The following HECTD3 variants were observed in gnomAD, a reference collection of about 807,000 sequenced individuals.
HECTD3 encodes the protein E3 ubiquitin-protein ligase HECTD3.
In HECTD3, 72 loss-of-function variants were observed where a neutral mutation model predicts 109.3. That is an observed-to-expected ratio of 0.66 (90% CI 0.54 to 0.80). The LOEUF (loss-of-function observed/expected upper bound fraction) is 0.80. HECTD3 is among the 30% of genes least tolerant of loss of function. HECTD3 has a pLI of 0.00. For missense variants in HECTD3, 1,041 were observed against 1,165.2 expected, an observed-to-expected ratio of 0.89 and a Z score of 1.55; for synonymous variants, 481 against 471.8, an observed-to-expected ratio of 1.02 and a Z score of -0.25.
Position 45,009,318 on chromosome 1 carries a change from G to T in HECTD3, c.989+51C>A, listed in dbSNP as rs752114647. Reference sequence around the variant, plus strand: ...TCACTCAAACTTAGGCTTTCAAGCTGGGCTAGGCTTGGAACATGCCCTACT... The same window carrying T: ...TCACTCAAACTTAGGCTTTCAAGCTTGGCTAGGCTTGGAACATGCCCTACT... On this transcript the variant is annotated intron_variant, in intron 6 of 20. Coordinates refer to ENST00000372172, the MANE Select transcript of HECTD3 (RefSeq NM_024602.6). The T allele has an allele frequency of 3.2e-6, 5 of 1,553,298 alleles. No individual in the cohort carries two copies. The South Asian group carries it at 5.6e-5, about 17-fold the overall frequency.
Position 45,007,204 on chromosome 1 carries a change from A to C in HECTD3, c.1556+15T>G. On this transcript the variant is annotated intron_variant, in intron 11 of 20. Coordinates refer to ENST00000372172, the MANE Select transcript of HECTD3 (RefSeq NM_024602.6). ...AACAGGTGTCCCGAGTAAGTCCCTC[A>C]CTCTCATGCCATACCTGTAGTCCAG... 6.2e-7 allele frequency: 1 copy of C among 1,607,516 alleles called. No individual in the cohort carries two copies. Among genetic ancestry groups the C allele is most frequent in the African/African-American group, 1.3e-5 (1 of 74,548 alleles).
chr1:45,006,853 A>G lies in HECTD3; in HGVS notation c.1622-58T>C. The G allele has an allele frequency of 2.5e-6, 4 of 1,586,182 alleles. No homozygotes were observed. The highest frequency in any genetic ancestry group is 3.5e-6 in the Non-Finnish European group (4 of 1,155,568). On this transcript the variant is annotated intron_variant, in intron 12 of 20. Transcript: ENST00000372172. The surrounding 1 kb of genome is among the most constrained non-coding windows in gnomAD (Gnocchi z 4.7). ...AAGAGCCCAGCTCCCATAATGGGGT[A>G]ATGAATAGGTCCCCCATCATCATTA...
chr1:45,005,806 C>T lies in HECTD3; in HGVS notation c.1923G>A (p.Val641=), dbSNP rs376551194. The change falls in exon 15 of 21, where the codon GTG becomes GTA. Residue 641 remains valine (V), a synonymous_variant. Transcript: ENST00000372172. ...EVSWSKDFPA[V]DSVLVKLLEV... Reference sequence around the variant, plus strand: ...AGGTCCTACTCACCAGCACAGAGTCCACAGCTGGGAAGTCCTTGCTCCAGC... The same window carrying T: ...AGGTCCTACTCACCAGCACAGAGTCTACAGCTGGGAAGTCCTTGCTCCAGC... The T allele has an allele frequency of 1.9e-5, 30 of 1,599,156 alleles. No homozygotes were observed. In the East Asian group the frequency reaches 5.8e-4, roughly 31 times the overall value.
rs528047634 is a variant in HECTD3, at chr1:45,007,640, C to G, written c.1321-45G>C. 1.5e-4 allele frequency: 228 copies of G among 1,546,424 alleles called. 3 individuals carry two copies. In the South Asian group the frequency reaches 2.5e-3, roughly 17 times the overall value. ...AGAGCAGGAATGAGTGGGCAGTCAG[C>G]CTCCGTCCAGGCCCTGGAACTTTCC... On this transcript the variant is annotated intron_variant, in intron 9 of 20. Transcript: ENST00000372172.
chr1:45,010,955 G>C lies in HECTD3; in HGVS notation c.303C>G (p.Gly101=). Residue 101 remains glycine (G), a synonymous_variant, in exon 1 of 21, where the codon GGC becomes GGG. Coordinates refer to ENST00000372172, the MANE Select transcript of HECTD3 (RefSeq NM_024602.6). The part of the protein sequence containing the change: ...AARDSIELRR[G]ACVRTTGEEL... ...CCTCGCCCGTGGTGCGCACGCAGGC[G>C]CCGCGCCGGAGCTCAATGCTGTCGC... 6.5e-7 allele frequency: 1 copy of C among 1,535,146 alleles called. No individual in the cohort carries two copies. The highest frequency in any genetic ancestry group is 8.7e-7 in the Non-Finnish European group (1 of 1,154,104).
chr1:45,007,917 C>T (rs1189949865), intron 9 of HECTD3, among the ~76,000 whole-genome samples: 1 of 152,184 alleles, frequency 6.6e-6, no homozygotes, highest in Non-Finnish European at 1.5e-5. Flanking sequence ...CCTCATCCCT[C>T]TGTCATACTC....
intron 14 of HECTD3, 22 bp downstream of exon 14, chr1:45,005,975 G>A (rs1459454716): frequency 6.2e-7 from 1 of 1,612,444 alleles, no homozygotes; most frequent in Admixed American, 1.7e-5. Context: ...GATCGGACGG[G>A]GGTGTGGATA....
In HECTD3 at chr1:45,010,110, G is replaced by A. The variant is rs368413798; in HGVS notation, c.635C>T (p.Pro212Leu). ...EAVQRLLYVPPTWTYECDEDL... is the reference protein window; with the variant it reads ...EAVQRLLYVPLTWTYECDEDL... ...CTCGTCGCACTCGTAGGTCCATGTC[G>A]GGGGTACATAGCTAAGCAACCCCAA... The change falls in exon 4 of 21, where the codon CCG becomes CTG. Residue 212 changes from proline to leucine, a missense_variant. Coordinates refer to ENST00000372172, the MANE Select transcript of HECTD3 (RefSeq NM_024602.6). 11 of 1,607,050 alleles carry A rather than the reference G, an allele frequency of 6.8e-6. No homozygotes were observed. Among genetic ancestry groups the A allele is most frequent in the East Asian group, 2.2e-5 (1 of 44,698 alleles).
chr1:45,004,138 G>C lies in HECTD3; in HGVS notation c.2273-4C>G, dbSNP rs1171143275. Reference sequence around the variant, plus strand: ...GGCTCGAAGTCCTCAAACCGGGCTGGTGGAGACAAGGCCAGCATTCATTCT... The same window carrying C: ...GGCTCGAAGTCCTCAAACCGGGCTGCTGGAGACAAGGCCAGCATTCATTCT... On this transcript the variant is annotated splice_region_variant and splice_polypyrimidine_tract_variant and intron_variant, in intron 17 of 20. Transcript: ENST00000372172. The C allele has an allele frequency of 6.2e-7, 1 of 1,614,186 alleles. No individual in the cohort carries two copies. The highest frequency in any genetic ancestry group is 1.3e-5 in the African/African-American group (1 of 75,056).
In HECTD3 at chr1:45,010,308, T is replaced by C. The variant is rs748345853; in HGVS notation, c.531-15A>G. 1 of 1,610,838 alleles carries C rather than the reference T, an allele frequency of 6.2e-7. No individual in the cohort carries two copies. Among genetic ancestry groups the C allele is most frequent in the Non-Finnish European group, 8.5e-7 (1 of 1,177,368 alleles). ...CCTGTTCCCACCTGTGGGCACAGAGTAGGGAGTGGGATGGGGAGACATCAG... is the reference window on the plus strand; with the variant it reads ...CCTGTTCCCACCTGTGGGCACAGAGCAGGGAGTGGGATGGGGAGACATCAG... On this transcript the variant is annotated splice_polypyrimidine_tract_variant and intron_variant, in intron 2 of 20. Coordinates refer to ENST00000372172, the MANE Select transcript of HECTD3 (RefSeq NM_024602.6).
intron 7 of HECTD3, 46 bp downstream of exon 7, chr1:45,009,098 T>C (rs747415130): frequency 1.4e-6 from 2 of 1,460,252 alleles, no homozygotes; most frequent in Non-Finnish European, 9.6e-7. Context: ...TTTGCCCCCA[T>C]CTCCACGCCG....
At chr1:45,005,059 G>C (rs1041245979) in intron 15 of HECTD3, 2 of 563,992 alleles carry the variant, frequency 3.5e-6, no homozygotes, top group Non-Finnish European at 6.4e-6. Flanking sequence ...GGACATAAGG[G>C]AAGTTAGGAG....
At position 45,004,057 on chromosome 1, in the gene HECTD3, G is replaced by A. The variant is rs1411908363; in HGVS notation, c.2347+3C>T. 1.2e-6 allele frequency: 2 copies of A among 1,614,018 alleles called. No individual in the cohort carries two copies. ...AGGTGTCACCCTGCCCTCCTCCACT[G>A]ACCGTTGGTGAAGTTGTTCAGTGCC... On this transcript the variant is annotated splice_donor_region_variant and intron_variant, in intron 18 of 20. Coordinates refer to ENST00000372172, the MANE Select transcript of HECTD3 (RefSeq NM_024602.6).
At position 45,008,630 on chromosome 1, in the gene HECTD3, C is replaced by T. The variant is rs769291990; in HGVS notation, c.1144G>A (p.Ala382Thr). ...SSRQRELGLNADLFQPTSLVR... is the reference protein window; with the variant it reads ...SSRQRELGLNTDLFQPTSLVR... Reference sequence around the variant, plus strand: ...AGACTAGTTGGCTGGAACAGGTCTGCATTCAACCCTAGTTCCCGCTGTCTA... The same window carrying T: ...AGACTAGTTGGCTGGAACAGGTCTGTATTCAACCCTAGTTCCCGCTGTCTA... The change falls in exon 8 of 21, where the codon GCA becomes ACA. Residue 382 changes from alanine to threonine, a missense_variant. Around this residue, in one of 2 missense-constraint regions of HECTD3, gnomAD observed 569 missense variants for 715.3 expected, o/e 0.80. Transcript: ENST00000372172. The T allele has an allele frequency of 2.5e-6, 4 of 1,613,762 alleles. No homozygotes were observed. In the African/African-American group the frequency reaches 5.3e-5, roughly 22 times the overall value.
Position 45,004,042 on chromosome 1 carries a change from C to G in HECTD3, c.2347+18G>C, listed in dbSNP as rs772065990. On this transcript the variant is annotated intron_variant, in intron 18 of 20. Transcript: ENST00000372172. ...GCAGAGTCCAAACCCAGGTGTCACC[C>G]TGCCCTCCTCCACTGACCGTTGGTG... 303 of 1,614,014 alleles carry G rather than the reference C, an allele frequency of 1.9e-4. 2 individuals are homozygous for G. The South Asian group carries it at 2.7e-3, about 14-fold the overall frequency.
rs753834978 is a variant in HECTD3, at chr1:45,008,504, G to A, written c.1238+32C>T. 6 of 1,605,528 alleles carry A rather than the reference G, an allele frequency of 3.7e-6. No individual in the cohort carries two copies. In the African/African-American group the frequency reaches 8.0e-5, roughly 21 times the overall value. ...ACACAAGGCTCAATGTTGGGGGAAG[G>A]GAAGGGCCCATAGGTCCAGGACCAC... On this transcript the variant is annotated intron_variant, in intron 8 of 20. Transcript: ENST00000372172.
In HECTD3 at chr1:45,010,078, T is replaced by A. The variant is rs187465387; in HGVS notation, c.667A>T (p.Ile223Phe). 2.5e-5 allele frequency: 40 copies of A among 1,585,068 alleles called. No homozygotes were observed. The Admixed American group carries it at 5.1e-4, about 20-fold the overall frequency. Residue 223 changes from isoleucine (I) to phenylalanine (F), a missense_variant, in exon 4 of 21, where the codon ATC (isoleucine) becomes TTC (phenylalanine). This residue lies in a region of HECTD3 where 472 missense variants were observed against 449.9 expected (regional missense o/e 1.05). Transcript: ENST00000372172. Reference sequence around the variant, plus strand: ...CCCAGGTGGTCATACAAGAAGTGGATCAGGTCCTCGTCGCACTCGTAGGTC... The same window carrying A: ...CCCAGGTGGTCATACAAGAAGTGGAACAGGTCCTCGTCGCACTCGTAGGTC... ...TWTYECDEDL[I>F]HFLYDHLGKE...
At chr1:45,010,472 C>T in intron 2 of HECTD3, 74 bp downstream of exon 2, 3 of 1,583,888 alleles carry the variant, frequency 1.9e-6, no homozygotes, top group Non-Finnish European at 2.6e-6. Context: ...CCACCCCAGG[C>T]TGTGGCTGAA....
Position 45,005,826 on chromosome 1 carries a change from TCCA to T in HECTD3, c.1900_1902del (p.Trp634del). On this transcript the variant is annotated inframe_deletion, in exon 15 of 21. Transcript: ENST00000372172. The stretch of plus-strand genomic sequence containing the variant: ...GAGTCCACAGCTGGGAAGTCCTTGC[TCCA>T]GCTCACCTCCTCACCAGAAAGCTGC... The T allele has an allele frequency of 6.2e-7, 1 of 1,607,540 alleles. No homozygotes were observed. Among genetic ancestry groups the T allele is most frequent in the Non-Finnish European group, 8.5e-7 (1 of 1,176,570 alleles).
Sources: gnomAD v4.1 joint callset for allele counts (sites outside exome capture counted in the v4.1 genomes callset) on GRCh38, gnomAD v4.1.1 for gene constraint, gnomAD v4.1.1 regional missense constraint, Gnocchi (gnomAD v3.1) non-coding constraint, MANE v1.5 for transcripts, NCBI Gene and HGNC (gene_info 2026-07-23, HGNC 2026-07-21) for gene names.